The following MTMR1 variants were observed in gnomAD, a reference collection of about 807,000 sequenced individuals.
The protein encoded by MTMR1 is myotubularin related protein 1.
Under a neutral mutation model 51.6 loss-of-function variants are expected in MTMR1, and 17 were observed. That is an observed-to-expected ratio of 0.33 (90% CI 0.23 to 0.49). The LOEUF (loss-of-function observed/expected upper bound fraction) is 0.49. Ranked by LOEUF, MTMR1 falls within the 20% of genes least tolerant of loss-of-function variation. The pLI is 0.99. For synonymous variants in MTMR1, 201 were observed against 205.6 expected, an observed-to-expected ratio of 0.98 and a Z score of 0.19; for missense variants, 386 against 526.9, an observed-to-expected ratio of 0.73 and a Z score of 2.62.
intron 13 of MTMR1, among the ~76,000 whole-genome samples, chrX:150,748,600 T>C (rs1557417515): frequency 1.8e-5 from 2 of 109,523 alleles, no homozygotes; most frequent in African/African-American, 3.3e-5. Context: ...GGAGGATCAC[T>C]TGAGATCAGG....
intron 1 of MTMR1, among the ~76,000 whole-genome samples, chrX:150,698,164 G>A (rs1196116019): frequency 3.6e-5 from 4 of 110,876 alleles, no homozygotes; most frequent in African/African-American, 6.6e-5. Flanking sequence ...GGTGGCATGC[G>A]CCTAAATAAT....
rs2043188849 is a variant in MTMR1, at chrX:150,762,927, G to A, written c.*198G>A. On this transcript the variant is annotated 3_prime_UTR_variant, in exon 16 of 16. Transcript: ENST00000445323. ...GTTTCACAGGGGAGCCGTCTGTCACGCCCACCCTGTGAAGCAACTTCTGGC... is the reference window on the plus strand; with the variant it reads ...GTTTCACAGGGGAGCCGTCTGTCACACCCACCCTGTGAAGCAACTTCTGGC... 8 of 409,217 alleles carry A rather than the reference G, an allele frequency of 2.0e-5. No homozygotes were observed. Among genetic ancestry groups the A allele is most frequent in the African/African-American group, 1.3e-4 (5 of 38,710 alleles). 33.7% of individuals were successfully genotyped at this position (409,217 alleles called of 1,213,427 possible).
At chrX:150,695,378 C>T (rs113578592) in intron 1 of MTMR1, among the ~76,000 whole-genome samples, 3,396 of 111,818 alleles carry the variant, frequency 0.03, 135 homozygotes, top group African/African-American at 0.1. Flanking sequence ...GGGGAAGGAG[C>T]TGAAGCAGAG....
intron 2 of MTMR1, among the ~76,000 whole-genome samples, chrX:150,704,669 G>A (rs2041031880): frequency 8.9e-6 from 1 of 112,036 alleles, no homozygotes; most frequent in African/African-American, 3.2e-5. Context: ...ACTCTGCAGT[G>A]TCAGTGGAGG....
At chrX:150,695,446 G>A (rs925336731) in intron 1 of MTMR1, among the ~76,000 whole-genome samples, 3 of 112,181 alleles carry the variant, frequency 2.7e-5, no homozygotes, top group East Asian at 5.6e-4. Flanking sequence ...AGAGTGGAGC[G>A]GAGGAGGGGA....
intron 6 of MTMR1, among the ~76,000 whole-genome samples, chrX:150,729,217 C>CA (rs1557416882): frequency 9.5e-5 from 7 of 73,640 alleles, no homozygotes; most frequent in Non-Finnish European, 2.2e-4. Flanking sequence ...GACACACCCA[C>CA]CCACACACAC....
Position 150,731,498 on chromosome X carries a change from C to T in MTMR1, c.770C>T (p.Ser257Phe). The T allele has an allele frequency of 8.3e-7, 1 of 1,198,859 alleles. No individual in the cohort carries two copies. The highest frequency in any genetic ancestry group is 1.1e-6 in the Non-Finnish European group (1 of 888,641). ...QGLPNESWKISKINSNYEFCD... is the reference protein window; with the variant it reads ...QGLPNESWKIFKINSNYEFCD... ...TTGCCAAATGAGAGTTGGAAAATAT[C>T]CAAAATAAACAGTAATTATGAGTTC... The change falls in exon 9 of 16, where the codon TCC (serine) becomes TTC (phenylalanine). Residue 257 changes from serine to phenylalanine, a missense_variant. Coordinates refer to ENST00000445323, the MANE Select transcript of MTMR1 (RefSeq NM_001306144.3).
intron 15 of MTMR1, among the ~76,000 whole-genome samples, chrX:150,761,803 G>A (rs1393839314): frequency 8.9e-6 from 1 of 112,768 alleles, no homozygotes; most frequent in Non-Finnish European, 1.9e-5. Flanking sequence ...TAGCTGCTGG[G>A]GACAGCTTGT....
rs1259761428 is a variant in MTMR1, at chrX:150,721,702, ATCT to A, written c.352+3006_352+3008del. Among the ~76,000 whole-genome samples, 12 of 110,024 alleles carry A rather than the reference ATCT, an allele frequency of 1.1e-4. No individual in the cohort carries two copies. In the South Asian group the frequency reaches 1.5e-3, roughly 14 times the overall value. On this transcript the variant is annotated intron_variant, in intron 4 of 15. Transcript: ENST00000445323. ...GGCTAGAGGTTTATTGATTTTATTG[ATCT>A]TCTCCAAGAGTCAGCTTTTGGTTTT...
rs782796089 is a variant in MTMR1 at position 150,762,609 on chromosome X, G to A, written c.1902G>A (p.Ala634=). The change falls in exon 16 of 16, where the codon GCG becomes GCA. Residue 634 remains alanine, a synonymous_variant. Transcript: ENST00000445323. ...QNLKELLAVR[A]ELQKRVEGLQ... ...TCAAGGAGCTGCTGGCCGTCAGGGC[G>A]GAGCTGCAGAAGCGTGTGGAGGGCC... 3.6e-5 allele frequency: 44 copies of A among 1,210,579 alleles called. No homozygotes were observed. Among genetic ancestry groups the A allele is most frequent in the South Asian group, 1.8e-4 (10 of 56,871 alleles).
intron 2 of MTMR1, among the ~76,000 whole-genome samples, chrX:150,707,786 G>C (rs781887526): frequency 1.8e-5 from 2 of 112,308 alleles, no homozygotes; most frequent in Admixed American, 1.9e-4. Context: ...GTTTTTAACA[G>C]TTTTATTCAT....
At chrX:150,722,311 G>C (rs1393953277) in intron 4 of MTMR1, among the ~76,000 whole-genome samples, 1 of 112,009 alleles carries the variant, frequency 8.9e-6, no homozygotes, top group Non-Finnish European at 1.9e-5. Context: ...CAATTGTAGA[G>C]AGAGAGGTTT....
chrX:150,727,660 ATTGATCTTAAT>A lies in MTMR1; in HGVS notation c.448-21_448-11del, dbSNP rs1569565695. The A allele has an allele frequency of 9.0e-7, 1 of 1,112,434 alleles. No homozygotes were observed. Among genetic ancestry groups the A allele is most frequent in the Non-Finnish European group, 1.2e-6 (1 of 806,890 alleles). 91.7% of individuals were successfully genotyped at this position (1,112,434 alleles called of 1,213,427 possible). ...AAACTGTTGACTGACACTAATAGGC[ATTGATCTTAAT>A]TTTTGAACCTAGGACCCGCATTTTA... On this transcript the variant is annotated splice_polypyrimidine_tract_variant and intron_variant, in intron 5 of 15. Coordinates refer to ENST00000445323, the MANE Select transcript of MTMR1 (RefSeq NM_001306144.3).
chrX:150,723,313 T>C (rs1433129655), intron 4 of MTMR1, among the ~76,000 whole-genome samples: 1 of 111,455 alleles, frequency 9.0e-6, no homozygotes, highest in Admixed American at 9.6e-5. Context: ...GCAATAAACA[T>C]AACGTGTGCA....
intron 11 of MTMR1, 41 bp downstream of exon 11, chrX:150,736,821 T>C: frequency 3.6e-6 from 4 of 1,119,152 alleles, no homozygotes; most frequent in Non-Finnish European, 4.8e-6. Context: ...CAGTTAAGAC[T>C]TCTTTGTGCC....
chrX:150,755,191 A>G (rs1292479848), intron 14 of MTMR1, among the ~76,000 whole-genome samples: 1 of 111,087 alleles, frequency 9.0e-6, no homozygotes, highest in African/African-American at 3.3e-5. Context: ...AGGAGCTGGG[A>G]CTATACTTGG....
In MTMR1 at chrX:150,720,744, G is replaced by A. The variant is rs146895672; in HGVS notation, c.352+2044G>A. Among the ~76,000 whole-genome samples, 905 of 111,977 alleles carry A rather than the reference G, an allele frequency of 8.1e-3. 13 individuals carry two copies. The highest frequency in any genetic ancestry group is 0.028 in the African/African-American group (863 of 30,861). On this transcript the variant is annotated intron_variant, in intron 4 of 15. Coordinates refer to ENST00000445323, the MANE Select transcript of MTMR1 (RefSeq NM_001306144.3). The stretch of plus-strand genomic sequence containing the variant: ...GTACCAGTATACATTTCTAGTAGCC[G>A]TATATGAGCATTCCAGTTTTTCCCT...
intron 6 of MTMR1, among the ~76,000 whole-genome samples, chrX:150,729,385 G>A (rs1310740174): frequency 4.5e-5 from 5 of 112,082 alleles, no homozygotes; most frequent in African/African-American, 1.6e-4. Context: ...TGTTGCTTAG[G>A]CAGGCATCCT....
Position 150,693,435 on chromosome X carries a change from T to C in MTMR1, c.-96T>C, listed in dbSNP as rs1411026333. On this transcript the variant is annotated 5_prime_UTR_variant, in exon 1 of 16. Transcript: ENST00000445323. ...GCGGCCGCCTGAGGCGGGCGGGCGGTATAGAGCGGGCGGCAGGAGGCAAGC... is the reference window on the plus strand; with the variant it reads ...GCGGCCGCCTGAGGCGGGCGGGCGGCATAGAGCGGGCGGCAGGAGGCAAGC... 1.3e-6 allele frequency: 1 copy of C among 748,425 alleles called. No individual in the cohort carries two copies. Among genetic ancestry groups the C allele is most frequent in the Non-Finnish European group, 1.6e-6 (1 of 635,761 alleles). The allele number at this position is 748,425 out of a possible 1,213,427, so 61.7% of individuals were successfully genotyped here.
Sources: allele counts gnomAD v4.1 joint callset (sites outside exome capture counted in the v4.1 genomes callset), GRCh38; gene constraint gnomAD v4.1.1; transcripts MANE v1.5; gene names NCBI Gene and HGNC (gene_info 2026-07-23, HGNC 2026-07-21).